The following DNAJC12 variants were observed in gnomAD, a reference collection of about 807,000 sequenced individuals.
DNAJC12 encodes DnaJ heat shock protein family (Hsp40) member C12.
In DNAJC12, 25 loss-of-function variants were observed where a neutral mutation model predicts 28.5. That is an observed-to-expected ratio of 0.88 (90% confidence interval 0.64 to 1.22). DNAJC12 has a LOEUF of 1.22. Ranked by LOEUF, DNAJC12 falls within the 50% of genes most tolerant of loss-of-function variation. The pLI is 0.00. For missense variants in DNAJC12, 222 were observed against 231.7 expected, an observed-to-expected ratio of 0.96 and a Z score of 0.27; for synonymous variants, 77 against 80.6, an observed-to-expected ratio of 0.95 and a Z score of 0.24.
chr10:67,829,521 G>A (rs969162157), intron 1 of DNAJC12, among the ~76,000 whole-genome samples: 1 of 152,080 alleles, frequency 6.6e-6, no homozygotes, highest in African/African-American at 2.4e-5. Flanking sequence ...GCCGCCTGTA[G>A]TTCCAGCTAC....
intron 2 of DNAJC12, among the ~76,000 whole-genome samples, chr10:67,818,128 C>A (rs1327127183): frequency 2.6e-5 from 2 of 77,388 alleles, no homozygotes; most frequent in Non-Finnish European, 8.3e-5. Flanking sequence ...CTGCTTGAGC[C>A]TGGGAGGTTG....
chr10:67,797,833 G>A (rs548452806), intron 4 of DNAJC12, among the ~76,000 whole-genome samples: 2 of 152,070 alleles, frequency 1.3e-5, no homozygotes, highest in African/African-American at 2.4e-5. Flanking sequence ...GAGGTCAGGA[G>A]ATCAAGACCA....
intron 2 of DNAJC12, among the ~76,000 whole-genome samples, chr10:67,817,211 G>C (rs948576834): frequency 6.6e-6 from 1 of 152,096 alleles, no homozygotes; most frequent in African/African-American, 2.4e-5. Flanking sequence ...CCACATGCAG[G>C]ACTCCTCATT....
rs149234559 is a variant in DNAJC12 at position 67,821,473 on chromosome 10, G to T, written c.157+1841C>A. ...AGAGGTTGCAGTGAGCCAATATCGT[G>T]CCATTGCACTCCAGCCTGGGCAATA... On this transcript the variant is annotated intron_variant, in intron 2 of 4. Coordinates refer to ENST00000225171, the MANE Select transcript of DNAJC12 (RefSeq NM_021800.3). 2.6e-3 allele frequency among the ~76,000 whole-genome samples: 403 copies of T among 152,202 alleles called. 2 individuals are homozygous for T. Among genetic ancestry groups the T allele is most frequent in the African/African-American group, 9.4e-3 (389 of 41,526 alleles).
At chr10:67,814,752 T>G (rs1356174306) in intron 2 of DNAJC12, among the ~76,000 whole-genome samples, 1 of 152,144 alleles carries the variant, frequency 6.6e-6, no homozygotes, top group Non-Finnish European at 1.5e-5. Context: ...AACAAGCACC[T>G]GAAAATATCC....
intron 1 of DNAJC12, among the ~76,000 whole-genome samples, chr10:67,824,379 A>G (rs1842009907): frequency 6.6e-6 from 1 of 152,120 alleles, no homozygotes; most frequent in Non-Finnish European, 1.5e-5. Flanking sequence ...GTTATAATTT[A>G]TAAATTATCT....
chr10:67,821,731 C>G (rs905279034), intron 2 of DNAJC12, among the ~76,000 whole-genome samples: 22 of 152,052 alleles, frequency 1.4e-4, no homozygotes, highest in African/African-American at 4.8e-4. Flanking sequence ...AATGCTGTAG[C>G]AATCCAAGCA....
chr10:67,804,963 C>T (rs1841783738), intron 4 of DNAJC12, among the ~76,000 whole-genome samples: 1 of 152,054 alleles, frequency 6.6e-6, no homozygotes, highest in Admixed American at 6.6e-5. Flanking sequence ...ACCCAGGAGG[C>T]AGAGGTTGCA....
intron 4 of DNAJC12, among the ~76,000 whole-genome samples, chr10:67,802,022 T>C (rs1295119011): frequency 1.3e-5 from 2 of 151,590 alleles, no homozygotes; most frequent in Non-Finnish European, 2.9e-5. Flanking sequence ...CCAGCATACC[T>C]AGCTAATGGT....
At chr10:67,832,115 A>T (rs4746713) in intron 1 of DNAJC12, among the ~76,000 whole-genome samples, 71,300 of 151,914 alleles carry the variant, frequency 0.47, 20,805 homozygotes, top group Non-Finnish European at 0.66. Context: ...AATACAAAAA[A>T]TTAGCTGGGT....
intron 2 of DNAJC12, among the ~76,000 whole-genome samples, chr10:67,819,816 G>GGAAGGAAGGAAGGAAGGAAGGAAT (rs1268302354): frequency 5.9e-4 from 87 of 147,902 alleles, no homozygotes; most frequent in African/African-American, 2.1e-3. Context: ...AAGGAAGGAA[G>GGAAGGAAGGAAGGAAGGAAGGAAT]GAATGTTTAT....
At chr10:67,801,409 C>T (rs182132093) in intron 4 of DNAJC12, among the ~76,000 whole-genome samples, 72 of 152,206 alleles carry the variant, frequency 4.7e-4, no homozygotes, top group Admixed American at 2.0e-3. Context: ...TCAGAAAAGC[C>T]AATAATCTTT....
At chr10:67,797,996 CG>C (rs1337189567) in intron 4 of DNAJC12, among the ~76,000 whole-genome samples, 3 of 148,686 alleles carry the variant, frequency 2.0e-5, no homozygotes, top group Non-Finnish European at 4.4e-5. Flanking sequence ...GCCGAGATAG[CG>C]CCACTGCACT....
chr10:67,835,940 A>T (rs1703815706), intron 1 of DNAJC12, among the ~76,000 whole-genome samples: 1 of 152,208 alleles, frequency 6.6e-6, no homozygotes. Flanking sequence ...ATTTTCTGTA[A>T]GGCTGTCCAA....
At chr10:67,835,499 G>A (rs1474138651) in intron 1 of DNAJC12, among the ~76,000 whole-genome samples, 2 of 152,038 alleles carry the variant, frequency 1.3e-5, no homozygotes, top group Non-Finnish European at 2.9e-5. Context: ...AGACCATCCT[G>A]GCCAACACGG....
intron 2 of DNAJC12, among the ~76,000 whole-genome samples, chr10:67,820,612 GA>G (rs909075477): frequency 5.3e-5 from 8 of 150,966 alleles, no homozygotes; most frequent in African/African-American, 1.9e-4. Flanking sequence ...AATAAAAAGG[GA>G]AAAAAAATCA....
intron 1 of DNAJC12, among the ~76,000 whole-genome samples, chr10:67,835,351 T>C (rs970873925): frequency 2.4e-4 from 36 of 152,220 alleles, no homozygotes; most frequent in African/African-American, 8.7e-4. Context: ...GTCATATTAG[T>C]CAAAAATGTC....
At chr10:67,806,890 G>A (rs1281005856) in intron 3 of DNAJC12, among the ~76,000 whole-genome samples, 1 of 151,582 alleles carries the variant, frequency 6.6e-6, no homozygotes, top group Non-Finnish European at 1.5e-5. Flanking sequence ...AGTTATGCCT[G>A]TGTAACAGAA....
At chr10:67,812,047 T>C (rs1054846422) in intron 2 of DNAJC12, among the ~76,000 whole-genome samples, 3 of 152,044 alleles carry the variant, frequency 2.0e-5, no homozygotes, top group African/African-American at 7.3e-5. Context: ...AGGGCAGTAA[T>C]TAGGCAAGAG....
Sources: gnomAD v4.1 joint callset for allele counts (sites outside exome capture counted in the v4.1 genomes callset) on GRCh38, gnomAD v4.1.1 for gene constraint, MANE v1.5 for transcripts, NCBI Gene and HGNC (gene_info 2026-07-23, HGNC 2026-07-21) for gene names.